FBXO11: variants seen among roughly 807,000 people sequenced by gnomAD.
FBXO11 encodes F-box protein 11, also known as F-box only protein 11.
In FBXO11, 13 loss-of-function variants were observed where a neutral mutation model predicts 117.0. The observed-to-expected ratio is 0.11, with a 90% confidence interval of 0.07 to 0.18. The LOEUF is 0.18. Ranked by LOEUF, FBXO11 falls within the 10% of genes least tolerant of loss-of-function variation. FBXO11 has a pLI of 1.00. For missense variants in FBXO11, 767 were observed against 1,164.4 expected (o/e 0.66, Z 4.97); for synonymous variants, 490 against 380.5 (o/e 1.29, Z -3.35).
chr2:47,901,793 G>C (rs1324200363), intron 1 of FBXO11, among the ~76,000 whole-genome samples: 1 of 152,098 alleles, frequency 6.6e-6, no homozygotes, highest in Admixed American at 6.5e-5. Flanking sequence ...CATTCCTGCA[G>C]TAAAGACAAT....
chr2:47,858,980 A>G (rs1370615802), intron 1 of FBXO11, among the ~76,000 whole-genome samples: 1 of 149,480 alleles, frequency 6.7e-6, no homozygotes, highest in South Asian at 2.1e-4. Context: ...CGGAGGTCGC[A>G]GTGAGCAGAG....
intron 1 of FBXO11, among the ~76,000 whole-genome samples, chr2:47,890,981 A>ATT (rs545809805): frequency 4.2e-5 from 6 of 142,692 alleles, no homozygotes; most frequent in Non-Finnish European, 6.1e-5. Flanking sequence ...CCATACCGGG[A>ATT]TTTTTTTTTT....
At chr2:47,831,669 C>T (rs1672202704) in intron 11 of FBXO11, among the ~76,000 whole-genome samples, 1 of 151,898 alleles carries the variant, frequency 6.6e-6, no homozygotes, top group East Asian at 1.9e-4. Flanking sequence ...GAAAAAAAAT[C>T]TGAAAAGACA....
At chr2:47,839,564 A>C in intron 2 of FBXO11, 64 bp from the exon 3 acceptor site, 1 of 1,604,144 alleles carries the variant, frequency 6.2e-7, no homozygotes, top group Non-Finnish European at 8.5e-7. Flanking sequence ...ATTACTTCTA[A>C]AAAAGGATGA....
intron 16 of FBXO11, among the ~76,000 whole-genome samples, chr2:47,817,540 C>G (rs1671089488): frequency 6.6e-6 from 1 of 152,200 alleles, no homozygotes; most frequent in South Asian, 2.1e-4. Flanking sequence ...GGACAAGAGG[C>G]CTAGCTTTTG....
At chr2:47,859,103 G>T (rs1053418340) in intron 1 of FBXO11, among the ~76,000 whole-genome samples, 2 of 150,284 alleles carry the variant, frequency 1.3e-5, no homozygotes, top group African/African-American at 4.9e-5. Context: ...TAAAATTAAA[G>T]GAATTCATAT....
intron 11 of FBXO11, among the ~76,000 whole-genome samples, chr2:47,829,979 A>G (rs542545163): frequency 6.6e-6 from 1 of 152,232 alleles, no homozygotes; most frequent in Non-Finnish European, 1.5e-5. Context: ...CCACACTGGA[A>G]GCAAAATAGC....
chr2:47,810,440 T>C lies in FBXO11; in HGVS notation c.2228-14A>G, dbSNP rs1386370032. 1 of 1,547,368 alleles carries C rather than the reference T, an allele frequency of 6.5e-7. No individual in the cohort carries two copies. Among genetic ancestry groups the C allele is most frequent in the South Asian group, 1.1e-5 (1 of 87,422 alleles). On this transcript the variant is annotated splice_polypyrimidine_tract_variant and intron_variant, in intron 18 of 22. Coordinates refer to ENST00000403359, the MANE Select transcript of FBXO11 (RefSeq NM_001190274.2). ...CTTCAAGGAGACCTATAATAAAATA[T>C]TTCCTTAGATTAAGGCTAATGCATA... is the stretch of plus-strand genomic sequence containing the variant.
chr2:47,888,192 C>T lies in FBXO11; in HGVS notation c.232+17297G>A, dbSNP rs114569110. On this transcript the variant is annotated intron_variant, in intron 1 of 22. Transcript: ENST00000403359. The stretch of plus-strand genomic sequence containing the variant: ...CTACCCCTTGTAACCATAAACAGAT[C>T]AGTAGGTCCAACAACTCATTAAAAT... Among the ~76,000 whole-genome samples the T allele has an allele frequency of 7.6e-3, 1,156 of 152,208 alleles. 16 individuals are homozygous for T. The highest frequency in any genetic ancestry group is 0.027 in the African/African-American group (1,135 of 41,502).
rs565402018 is a variant in FBXO11 at position 47,835,509 on chromosome 2, T to C, written c.717+363A>G. On this transcript the variant is annotated intron_variant, in intron 5 of 22. Transcript: ENST00000403359. ...ATTAAAACCTACTCAACTTTTTTTT[T>C]TTCCCTGAGACAAGAGTCTCACTCT... is the stretch of plus-strand genomic sequence containing the variant. 5.9e-5 allele frequency among the ~76,000 whole-genome samples: 9 copies of C among 152,278 alleles called. No homozygotes were observed. In the South Asian group the frequency reaches 1.5e-3, roughly 25 times the overall value.
rs905718265 is a variant in FBXO11, at chr2:47,854,584, C to A, written c.233-14815G>T. Among the ~76,000 whole-genome samples the A allele has an allele frequency of 2.7e-4, 41 of 152,230 alleles. 2 individuals carry two copies. Among genetic ancestry groups the A allele is most frequent in the Admixed American group, 2.4e-3 (37 of 15,302 alleles). ...CAATTAACCTCTCTAGAATTCAATT[C>A]TTTGCCTGCAAAATGAGAGGGACAA... On this transcript the variant is annotated intron_variant, in intron 1 of 22. Coordinates refer to ENST00000403359, the MANE Select transcript of FBXO11 (RefSeq NM_001190274.2).
chr2:47,864,820 T>G lies in FBXO11; in HGVS notation c.233-25051A>C, dbSNP rs148741286. Among the ~76,000 whole-genome samples the G allele has an allele frequency of 1.3e-4, 20 of 152,314 alleles. No homozygotes were observed. In the East Asian group the frequency reaches 3.5e-3, roughly 26 times the overall value. On this transcript the variant is annotated intron_variant, in intron 1 of 22. Transcript: ENST00000403359. ...ATTGAAAAGAAGCAAAGCCTTGAAA[T>G]TTACTTCTACTAAATGAATCAACAT...
chr2:47,823,658 C>T (rs185222473), intron 11 of FBXO11, among the ~76,000 whole-genome samples: 166 of 151,994 alleles, frequency 1.1e-3, no homozygotes, highest in Non-Finnish European at 2.3e-3. Flanking sequence ...GAGGCTGAGG[C>T]AGGAGAACTG....
At chr2:47,845,648 C>T (rs1449580908) in intron 1 of FBXO11, among the ~76,000 whole-genome samples, 1 of 152,120 alleles carries the variant, frequency 6.6e-6, no homozygotes, top group East Asian at 1.9e-4. Context: ...ACCTTAGCTG[C>T]CTTATGTTAT....
intron 1 of FBXO11, among the ~76,000 whole-genome samples, chr2:47,893,044 A>G (rs542625517): frequency 3.5e-4 from 54 of 152,218 alleles, no homozygotes; most frequent in African/African-American, 1.3e-3. Context: ...AATCCCAGCT[A>G]ATCCGGAGGC....
At chr2:47,866,657 A>T (rs999379798) in intron 1 of FBXO11, among the ~76,000 whole-genome samples, 3 of 151,984 alleles carry the variant, frequency 2.0e-5, no homozygotes, top group African/African-American at 4.8e-5. Context: ...TATTTTTAGT[A>T]GAGATGAGGT....
intron 1 of FBXO11, among the ~76,000 whole-genome samples, chr2:47,879,126 T>C (rs1285246116): frequency 6.6e-6 from 1 of 152,186 alleles, no homozygotes; most frequent in Non-Finnish European, 1.5e-5. Flanking sequence ...CCCAGAATTT[T>C]GCCTTTTTCT....
chr2:47,881,670 A>G (rs1676440787), intron 1 of FBXO11, among the ~76,000 whole-genome samples: 9 of 152,030 alleles, frequency 5.9e-5, no homozygotes, highest in Non-Finnish European at 1.5e-5. Flanking sequence ...CTTCTCTCAA[A>G]TTTTATTAGT....
At chr2:47,889,632 G>C (rs942364605) in intron 1 of FBXO11, among the ~76,000 whole-genome samples, 1 of 80,340 alleles carries the variant, frequency 1.2e-5, no homozygotes, top group African/African-American at 8.9e-5. Flanking sequence ...AAAGTGAGAG[G>C]GTTTTTTTTT....
Sources: gnomAD v4.1 joint callset for allele counts (sites outside exome capture counted in the v4.1 genomes callset) on GRCh38, gnomAD v4.1.1 for gene constraint, MANE v1.5 for transcripts, NCBI Gene and HGNC (gene_info 2026-07-23, HGNC 2026-07-21) for gene names.